Variants in ZNF724 observed in about 807,000 individuals in gnomAD.
ZNF724 encodes the protein zinc finger protein 724, also known as zinc finger protein 724 pseudogene.
ZNF724 carries 14 observed loss-of-function variants against 29.3 expected under a neutral mutation model. That is an observed-to-expected ratio of 0.48 (90% CI 0.32 to 0.75). The LOEUF (loss-of-function observed/expected upper bound fraction) is 0.75, where lower values mean the gene tolerates loss of function less well. ZNF724 is among the 30% of genes least tolerant of loss of function. The pLI, the probability that ZNF724 is intolerant of heterozygous loss-of-function variation, is 0.04. For missense variants in ZNF724, 557 were observed against 571.2 expected (o/e 0.98, Z 0.25); for synonymous variants, 180 against 193.6 (o/e 0.93, Z 0.58).
intron 1 of ZNF724, among the ~76,000 whole-genome samples, chr19:23,235,629 A>T (rs938276673): frequency 6.6e-6 from 1 of 152,144 alleles, no homozygotes; most frequent in Non-Finnish European, 1.5e-5. Context: ...CCAGACTTCA[A>T]GGTGGGGCCA....
At position 23,223,033 on chromosome 19, in the gene ZNF724, G is replaced by T; in HGVS notation, c.1212C>A (p.Asn404Lys). The part of the protein sequence containing the change: ...YKCEECGKAF[N>K]TSSHLTTHKR... Reference sequence around the variant, plus strand: ...TATGTGTGGTGAGGTGTGAGGATGTGTTAAAGGCTTTGCCACATTCTTCAC... The same window carrying T: ...TATGTGTGGTGAGGTGTGAGGATGTTTTAAAGGCTTTGCCACATTCTTCAC... The change falls in exon 4 of 4, where the codon AAC (asparagine) becomes AAA (lysine). Residue 404 changes from asparagine to lysine, a missense_variant. Around this residue, in one of 3 missense-constraint regions of ZNF724, gnomAD observed 362 missense variants for 295.5 expected, o/e 1.22. Coordinates refer to ENST00000418100, the MANE Select transcript of ZNF724 (RefSeq NM_001355404.2). 1 of 1,315,426 alleles carries T rather than the reference G, an allele frequency of 7.6e-7. No individual in the cohort carries two copies. The allele number at this position is 1,315,426 out of a possible 1,614,324, so 81.5% of individuals were successfully genotyped here. A position where few individuals can be genotyped will look rare whatever the true frequency, so the allele number is the denominator to read the frequency against.
intron 1 of ZNF724, among the ~76,000 whole-genome samples, chr19:23,249,844 T>G (rs913340652): frequency 5.4e-4 from 82 of 152,130 alleles, no homozygotes; most frequent in African/African-American, 1.7e-3. Flanking sequence ...TGCCATAAAT[T>G]TTTAATAGGG....
rs34692737 is a variant in ZNF724, at chr19:23,240,717, TA to T, written c.4-8425del. 5.2e-3 allele frequency among the ~76,000 whole-genome samples: 561 copies of T among 108,698 alleles called. 3 individuals carry two copies. The highest frequency in any genetic ancestry group is 0.016 in the African/African-American group (437 of 26,768). 71.3% of individuals were successfully genotyped at this position (108,698 alleles called of 152,430 possible). ...CCTAGGTGACAGAGTGGATTCCACC[TA>T]AAAAAAAAAAAAAAAAAAAAATGGC... On this transcript the variant is annotated intron_variant, in intron 1 of 3. Transcript: ENST00000418100.
chr19:23,226,119 T>G (rs1208718970), intron 3 of ZNF724, among the ~76,000 whole-genome samples: 1 of 145,406 alleles, frequency 6.9e-6, no homozygotes, highest in African/African-American at 2.6e-5. Context: ...TGGCTGAATC[T>G]CGGCTCACTG....
intron 3 of ZNF724, among the ~76,000 whole-genome samples, chr19:23,229,813 G>T (rs930783051): frequency 6.6e-6 from 1 of 151,834 alleles, no homozygotes; most frequent in African/African-American, 2.4e-5. Context: ...TTTGTTTCTT[G>T]AAATTCACAG....
rs1568348379 is a variant in ZNF724 at position 23,250,230 on chromosome 19, C to T, written c.3+10G>A. ...CCTCTCTCTCCGGATGTCGGAGCCG[C>T]CACTCTCACCATTTCTAGGCTTCCA... is the stretch of plus-strand genomic sequence containing the variant. On this transcript the variant is annotated intron_variant, in intron 1 of 3. Transcript: ENST00000418100. 1 of 671,444 alleles carries T rather than the reference C, an allele frequency of 1.5e-6. No individual in the cohort carries two copies. Among genetic ancestry groups the T allele is most frequent in the East Asian group, 4.8e-5 (1 of 20,758 alleles). The allele number at this position is 671,444 out of a possible 1,614,324, so 41.6% of individuals were successfully genotyped here. A position where few individuals can be genotyped will look rare whatever the true frequency, so the allele number is the denominator to read the frequency against.
chr19:23,246,379 G>A (rs771395334), intron 1 of ZNF724, among the ~76,000 whole-genome samples: 6 of 152,066 alleles, frequency 3.9e-5, no homozygotes, highest in South Asian at 2.1e-4. Context: ...AGCATCGGCC[G>A]GGCGCAGTGG....
intron 3 of ZNF724, among the ~76,000 whole-genome samples, chr19:23,226,888 ATATG>A (rs924123702): frequency 2.6e-5 from 4 of 152,212 alleles, no homozygotes; most frequent in African/African-American, 9.6e-5. Context: ...TAAAATTTTA[ATATG>A]TAAGTAAAAC....
chr19:23,245,167 T>C (rs1182137147), intron 1 of ZNF724, among the ~76,000 whole-genome samples: 2 of 152,220 alleles, frequency 1.3e-5, no homozygotes, highest in African/African-American at 4.8e-5. Flanking sequence ...TTCTTCTTAT[T>C]CTCTTAGAAA....
intron 1 of ZNF724, among the ~76,000 whole-genome samples, chr19:23,244,633 T>C (rs892111388): frequency 6.6e-6 from 1 of 152,106 alleles, no homozygotes; most frequent in Non-Finnish European, 1.5e-5. Context: ...ATCTATAGAG[T>C]TTGCTGAACA....
chr19:23,239,698 C>G (rs1341596805), intron 1 of ZNF724, among the ~76,000 whole-genome samples: 1 of 152,102 alleles, frequency 6.6e-6, no homozygotes, highest in East Asian at 1.9e-4. Context: ...GTAATCTCAG[C>G]TACTCGGGAG....
At chr19:23,243,783 C>T (rs924731125) in intron 1 of ZNF724, among the ~76,000 whole-genome samples, 1 of 151,716 alleles carries the variant, frequency 6.6e-6, no homozygotes, top group East Asian at 2.0e-4. Context: ...ATTAGCCGGG[C>T]ATGGTGGCAG....
At chr19:23,247,548 C>G (rs1972262646) in intron 1 of ZNF724, among the ~76,000 whole-genome samples, 1 of 152,188 alleles carries the variant, frequency 6.6e-6, no homozygotes, top group Admixed American at 6.5e-5. Context: ...CCATCCTGCT[C>G]ACTTAAGTGT....
intron 3 of ZNF724, 55 bp downstream of exon 3, chr19:23,231,211 T>G: frequency 2.5e-6 from 3 of 1,179,408 alleles, no homozygotes; most frequent in Non-Finnish European, 3.6e-6. Flanking sequence ...ACTGACTTTC[T>G]CCTTGACATT....
At chr19:23,242,273 C>T (rs1972137074) in intron 1 of ZNF724, among the ~76,000 whole-genome samples, 1 of 152,050 alleles carries the variant, frequency 6.6e-6, no homozygotes, top group Non-Finnish European at 1.5e-5. Context: ...CAGAGAAGAT[C>T]AATATCATTA....
chr19:23,226,050 C>CTT (rs35158570), intron 3 of ZNF724, among the ~76,000 whole-genome samples: 12 of 95,180 alleles, frequency 1.3e-4, no homozygotes, highest in African/African-American at 3.1e-4. Context: ...GAGAGAGGGT[C>CTT]TTTTTTTTTT....
Position 23,223,508 on chromosome 19 carries a change from A to G in ZNF724, c.737T>C (p.Ile246Thr). ...GTAGGATTTCTCTCCAGTATGAATT[A>G]TCTTATGTGTGTTAAGGTGTGAGGA... ...NKSSHLNTHK[I>T]IHTGEKSYKR... Residue 246 changes from isoleucine (I) to threonine (T), a missense_variant, in exon 4 of 4, where the codon ATA (isoleucine) becomes ACA (threonine). Coordinates refer to ENST00000418100, the MANE Select transcript of ZNF724 (RefSeq NM_001355404.2). The G allele has an allele frequency of 1.3e-6, 1 of 749,532 alleles. No homozygotes were observed. Among genetic ancestry groups the G allele is most frequent in the Non-Finnish European group, 2.5e-6 (1 of 403,264 alleles). 46.4% of individuals were successfully genotyped at this position (749,532 alleles called of 1,614,324 possible). A position where few individuals can be genotyped will look rare whatever the true frequency, so the allele number is the denominator to read the frequency against.
chr19:23,228,934 C>T (rs896717467), intron 3 of ZNF724, among the ~76,000 whole-genome samples: 5 of 150,886 alleles, frequency 3.3e-5, no homozygotes, highest in South Asian at 2.1e-4. Flanking sequence ...CATGGTGGCG[C>T]GTGCTTATAA....
In ZNF724 at chr19:23,224,986, A is replaced by C. The variant is rs188642052; in HGVS notation, c.227-968T>G. Among the ~76,000 whole-genome samples the C allele has an allele frequency of 6.1e-3, 924 of 150,286 alleles. 3 individuals are homozygous for C. Among genetic ancestry groups the C allele is most frequent in the East Asian group, 0.021 (108 of 5,154 alleles). ...AAAAACAAACAAACAACAACAACAA[A>C]AAAAAAACCCCACCAAATCTGTTGA... On this transcript the variant is annotated intron_variant, in intron 3 of 3. Transcript: ENST00000418100.
Sources: gnomAD v4.1 joint callset for allele counts (sites outside exome capture counted in the v4.1 genomes callset) on GRCh38, gnomAD v4.1.1 for gene constraint, gnomAD v4.1.1 regional missense constraint, MANE v1.5 for transcripts, NCBI Gene and HGNC (gene_info 2026-07-23, HGNC 2026-07-21) for gene names.